Variants in PTPN12 observed in about 807,000 individuals in gnomAD.
The protein encoded by PTPN12 is protein tyrosine phosphatase non-receptor type 12.
Under a neutral mutation model 97.6 loss-of-function variants are expected in PTPN12, and 29 were observed. The ratio of observed to expected loss-of-function variants is 0.30; its 90% CI spans 0.22 to 0.41. The LOEUF is 0.41. Ranked by LOEUF, PTPN12 falls within the 10% of genes least tolerant of loss-of-function variation. The pLI is 1.00. For synonymous variants in PTPN12, 327 were observed against 300.4 expected (o/e 1.09, Z -0.91); for missense variants, 819 against 926.0 (o/e 0.88, Z 1.50).
chr7:77,573,784 G>C (rs1584129676), intron 2 of PTPN12, among the ~76,000 whole-genome samples: 1 of 151,954 alleles, frequency 6.6e-6, no homozygotes, highest in Non-Finnish European at 1.5e-5. Flanking sequence ...TTTTTGAAAC[G>C]GTGTCTTGCT....
intron 14 of PTPN12, among the ~76,000 whole-genome samples, chr7:77,633,584 G>C (rs1470349636): frequency 6.6e-6 from 1 of 151,696 alleles, no homozygotes; most frequent in East Asian, 1.9e-4. Context: ...ACTCCAGCCT[G>C]GGCAACAGAG....
At chr7:77,613,252 G>A (rs1178995498) in intron 11 of PTPN12, among the ~76,000 whole-genome samples, 1 of 126,966 alleles carries the variant, frequency 7.9e-6, no homozygotes, top group Non-Finnish European at 1.5e-5. Context: ...TCGGCTCACT[G>A]CAACCTCTGC....
At position 77,537,637 on chromosome 7, in the gene PTPN12, G is replaced by A; in HGVS notation, c.91G>A (p.Asp31Asn). 1 of 1,596,836 alleles carries A rather than the reference G, an allele frequency of 6.3e-7. No individual in the cohort carries two copies. Among genetic ancestry groups the A allele is most frequent in the Non-Finnish European group, 8.5e-7 (1 of 1,173,018 alleles). The change falls in exon 1 of 18, where the codon GAC becomes AAC. Residue 31 changes from aspartate (D) to asparagine (N), a missense_variant. Asp to Asn is a conservative substitution (Grantham distance 23, BLOSUM62 1). Coordinates refer to ENST00000248594, the MANE Select transcript of PTPN12 (RefSeq NM_002835.4). ...DHNGEDNFAR[D>N]FMRLRRLSTK... is the part of the protein sequence containing the mutation. ...CAATGGGGAGGACAACTTCGCCCGG[G>A]ACTTCATGGTGAGTCTCTCCCCTCG... is the stretch of plus-strand genomic sequence containing the variant.
chr7:77,595,143 G>A (rs986952120), intron 6 of PTPN12, among the ~76,000 whole-genome samples: 10 of 152,178 alleles, frequency 6.6e-5, no homozygotes, highest in Non-Finnish European at 1.0e-4. Context: ...GATTAGTAAC[G>A]ACTTGGTTTA....
At chr7:77,548,488 A>G (rs1807327010) in intron 1 of PTPN12, among the ~76,000 whole-genome samples, 1 of 152,226 alleles carries the variant, frequency 6.6e-6, no homozygotes, top group Non-Finnish European at 1.5e-5. Context: ...TAGAAGGAAC[A>G]TAAAAACTGT....
intron 6 of PTPN12, 100 bp downstream of exon 6, chr7:77,592,356 C>T: frequency 1.0e-6 from 1 of 992,934 alleles, no homozygotes; most frequent in Non-Finnish European, 1.5e-6. Context: ...CTTATAGACG[C>T]CAAGGACTCA....
At chr7:77,551,608 C>T (rs561267012) in intron 1 of PTPN12, among the ~76,000 whole-genome samples, 2 of 152,306 alleles carry the variant, frequency 1.3e-5, no homozygotes, top group African/African-American at 2.4e-5. Context: ...TTCAACATCA[C>T]GTTGTCCTTT....
At chr7:77,540,779 AAAG>A (rs1806932732) in intron 1 of PTPN12, among the ~76,000 whole-genome samples, 1 of 152,184 alleles carries the variant, frequency 6.6e-6, no homozygotes, top group Non-Finnish European at 1.5e-5. Context: ...AAGAGAAAAA[AAAG>A]ATTAGCTTAT....
intron 13 of PTPN12, among the ~76,000 whole-genome samples, chr7:77,630,091 G>T (rs1380229606): frequency 6.6e-6 from 1 of 152,048 alleles, no homozygotes; most frequent in Non-Finnish European, 1.5e-5. Flanking sequence ...TATGTTATTG[G>T]TTTGATTTTA....
At chr7:77,625,271 G>T (rs1460041254) in intron 12 of PTPN12, among the ~76,000 whole-genome samples, 6 of 145,692 alleles carry the variant, frequency 4.1e-5, no homozygotes, top group African/African-American at 1.5e-4. Context: ...TTTTTTTTGA[G>T]ACAGGATCTC....
At chr7:77,582,112 T>TTTTTTTTTTTTTA in intron 3 of PTPN12, among the ~76,000 whole-genome samples, 1 of 102,916 alleles carries the variant, frequency 9.7e-6, no homozygotes, top group African/African-American at 3.7e-5. Flanking sequence ...TTTTTTTTTT[T>TTTTTTTTTTTTTA]GAGACGGAGT....
chr7:77,573,101 A>C lies in PTPN12; in HGVS notation c.208+1915A>C, dbSNP rs1042387081. Among the ~76,000 whole-genome samples the C allele has an allele frequency of 3.2e-5, 4 of 123,298 alleles. 1 individual carries two copies. Among genetic ancestry groups the C allele is most frequent in the African/African-American group, 1.4e-4 (4 of 28,946 alleles). 80.9% of individuals were successfully genotyped at this position (123,298 alleles called of 152,430 possible). A position where few individuals can be genotyped will look rare whatever the true frequency, so the allele number is the denominator to read the frequency against. ...CTATCTCAAAAAAAAAAAAAACAAA[A>C]AAACAAAAAAAACCAGTGTACCTAG... On this transcript the variant is annotated intron_variant, in intron 2 of 17. Transcript: ENST00000248594.
rs531879942 is a variant in PTPN12 at position 77,612,013 on chromosome 7, A to G, written c.939+967A>G. The stretch of plus-strand genomic sequence containing the variant: ...TTTTTTTTTTGTAGAATTTGTTTAC[A>G]TCTTTGTCATTGAGTCTATGATAAC... On this transcript the variant is annotated intron_variant, in intron 11 of 17. Transcript: ENST00000248594. Among the ~76,000 whole-genome samples, 3 of 147,348 alleles carry G rather than the reference A, an allele frequency of 2.0e-5. No individual in the cohort carries two copies. The Admixed American group carries it at 2.1e-4, about 10-fold the overall frequency.
intron 11 of PTPN12, among the ~76,000 whole-genome samples, chr7:77,616,906 C>T (rs550605957): frequency 1.3e-5 from 2 of 152,192 alleles, no homozygotes; most frequent in South Asian, 4.1e-4. Context: ...CCTCAGCCTC[C>T]CAAGTAACTG....
intron 8 of PTPN12, among the ~76,000 whole-genome samples, chr7:77,604,209 CTTTTTTT>C (rs71082768): frequency 5.7e-4 from 30 of 52,802 alleles, no homozygotes; most frequent in African/African-American, 2.6e-3. Context: ...TTTTTTCTTC[CTTTTTTT>C]TTTTTTTTTT....
chr7:77,624,432 CTTTA>C (rs199530382), intron 12 of PTPN12, among the ~76,000 whole-genome samples: 1,675 of 151,924 alleles, frequency 0.011, 35 homozygotes, highest in African/African-American at 0.038. Context: ...TTCACAGAGT[CTTTA>C]TTTATTTATT....
At chr7:77,598,869 TAAA>T (rs907450775) in intron 7 of PTPN12, among the ~76,000 whole-genome samples, 11 of 150,758 alleles carry the variant, frequency 7.3e-5, no homozygotes, top group African/African-American at 2.7e-4. Context: ...TTTTTGTAAG[TAAA>T]AAAAGTAACA....
At chr7:77,560,659 T>G (rs185036110) in intron 1 of PTPN12, among the ~76,000 whole-genome samples, 48 of 152,210 alleles carry the variant, frequency 3.2e-4, no homozygotes, top group African/African-American at 1.1e-3. Flanking sequence ...ATATTGTCTT[T>G]TTGTGACTGG....
intron 1 of PTPN12, among the ~76,000 whole-genome samples, chr7:77,552,178 A>G (rs1272489408): frequency 2.0e-5 from 3 of 152,218 alleles, no homozygotes; most frequent in Non-Finnish European, 4.4e-5. Context: ...GTGCAGTGGC[A>G]CAATCACAGC....
Sources: gnomAD v4.1 joint callset for allele counts (sites outside exome capture counted in the v4.1 genomes callset) on GRCh38, gnomAD v4.1.1 for gene constraint, MANE v1.5 for transcripts, NCBI Gene and HGNC (gene_info 2026-07-23, HGNC 2026-07-21) for gene names.